The following COMMD4 variants were observed in gnomAD, a reference collection of about 807,000 sequenced individuals.
COMMD4 encodes the protein COMM domain containing 4.
Under a neutral mutation model 27.5 loss-of-function variants are expected in COMMD4, and 18 were observed. The ratio of observed to expected loss-of-function variants is 0.65; its 90% CI spans 0.45 to 0.97. The LOEUF is 0.97. Ranked by LOEUF, COMMD4 falls within the 50% of genes least tolerant of loss-of-function variation. COMMD4 has a pLI of 0.00. For synonymous variants in COMMD4, 108 were observed against 108.4 expected, an observed-to-expected ratio of 1.00 and a Z score of 0.02; for missense variants, 243 against 250.0, an observed-to-expected ratio of 0.97 and a Z score of 0.19.
chr15:75,339,685 C>A lies in COMMD4; in HGVS notation c.383-17C>A. On this transcript the variant is annotated splice_polypyrimidine_tract_variant and intron_variant, in intron 6 of 7. Coordinates refer to ENST00000267935, the MANE Select transcript of COMMD4 (RefSeq NM_017828.5). ...TTGCCTGCTTTGATCCTGAGAGCCA[C>A]CCACCCCATCTCACAGTGAATAGGT... 6.4e-7 allele frequency: 1 copy of A among 1,563,250 alleles called. No individual in the cohort carries two copies. Among genetic ancestry groups the A allele is most frequent in the Non-Finnish European group, 8.7e-7 (1 of 1,153,172 alleles).
rs927283140 is a variant in COMMD4 at position 75,336,469 on chromosome 15, C to T, written c.3+377C>T. 5.7e-6 allele frequency: 3 copies of T among 523,344 alleles called. No individual in the cohort carries two copies. The African/African-American group carries it at 5.9e-5, about 10-fold the overall frequency. The allele number at this position is 523,344 out of a possible 1,614,324, so 32.4% of individuals were successfully genotyped here. ...CCCCAGCCCTGCCGTGGGGCTTGTACAAGAAGGTGCTTAGAATCAGGCTCA... is the reference window on the plus strand; with the variant it reads ...CCCCAGCCCTGCCGTGGGGCTTGTATAAGAAGGTGCTTAGAATCAGGCTCA... On this transcript the variant is annotated intron_variant, in intron 1 of 7. Transcript: ENST00000267935.
Position 75,339,854 on chromosome 15 carries a change from G to A in COMMD4, c.535G>A (p.Asp179Asn), listed in dbSNP as rs1187085875. ...GCCTGTTGCCATGTCCCTCTCAGCAGACAAGTTCCAGGTCCTCCTGGCAGG... is the reference window on the plus strand; with the variant it reads ...GCCTGTTGCCATGTCCCTCTCAGCAAACAAGTTCCAGGTCCTCCTGGCAGG... ...AQPVAMSLSA[D>N]KFQVLLAELK... Residue 179 changes from aspartate (D) to asparagine (N), a missense_variant, in exon 7 of 8, where the codon GAC becomes AAC. Asp to Asn is a conservative substitution (Grantham distance 23). Coordinates refer to ENST00000267935, the MANE Select transcript of COMMD4 (RefSeq NM_017828.5). 6.2e-7 allele frequency: 1 copy of A among 1,613,592 alleles called. No homozygotes were observed. Among genetic ancestry groups the A allele is most frequent in the Admixed American group, 1.7e-5 (1 of 59,992 alleles).
At chr15:75,337,589 T>TC (rs2071252546) in intron 1 of COMMD4, 1 of 143,272 alleles carries the variant, frequency 7.0e-6, no homozygotes, top group African/African-American at 2.8e-5. Flanking sequence ...TGAAACTGTC[T>TC]CAAAAAAAAA....
In COMMD4 at chr15:75,338,145, A is replaced by G; in HGVS notation, c.75+12A>G. On this transcript the variant is annotated intron_variant, in intron 2 of 7. Coordinates refer to ENST00000267935, the MANE Select transcript of COMMD4 (RefSeq NM_017828.5). ...CGCTGGCCAAGATGGTTGAGTGCAC[A>G]GGGTCTAGTCTGGGTGGAGGAGGGG... 1 of 1,572,920 alleles carries G rather than the reference A, an allele frequency of 6.4e-7. No homozygotes were observed.
intron 6 of COMMD4, 118 bp from the exon 7 acceptor site, chr15:75,339,584 A>G (rs2071371449): frequency 6.5e-6 from 8 of 1,228,450 alleles, no homozygotes; most frequent in Non-Finnish European, 7.9e-6. Context: ...GGTCAGCAGG[A>G]TGGGAGCTTC....
chr15:75,337,281 G>C (rs2071236867), intron 1 of COMMD4: 1 of 151,790 alleles, frequency 6.6e-6, no homozygotes, highest in South Asian at 2.1e-4. Context: ...GGGCTGGTCT[G>C]ATGTGTCACT....
intron 6 of COMMD4, 29 bp from the exon 7 acceptor site, chr15:75,339,673 T>C (rs752231730): frequency 5.1e-5 from 80 of 1,553,868 alleles, no homozygotes; most frequent in Non-Finnish European, 6.6e-5. Context: ...CCTGCTTTGA[T>C]CCTGAGAGCC....
chr15:75,339,979 C>G lies in COMMD4; in HGVS notation c.574C>G (p.Gln192Glu). 3 of 1,614,180 alleles carry G rather than the reference C, an allele frequency of 1.9e-6. No homozygotes were observed. In the South Asian group the frequency reaches 3.3e-5, roughly 18 times the overall value. The change falls in exon 8 of 8, where the codon CAG becomes GAG. Residue 192 changes from glutamine to glutamate, a missense_variant. Gln to Glu is a conservative substitution (Grantham distance 29). Transcript: ENST00000267935. ...TCCCTCTGCAGAACTGAAGCAGGCC[C>G]AGACCCTGATGAGCTCCCTGGGCTG... ...QVLLAELKQA[Q>E]TLMSSLG is the part of the protein sequence containing the mutation.
At chr15:75,342,251 G>GA (rs2071434368), downstream of COMMD4, 4 of 151,564 alleles carry the variant, frequency 2.6e-5, no homozygotes, top group Non-Finnish European at 5.9e-5. Flanking sequence ...GCCTGGAGTT[G>GA]AAAAAAGGGC....
intron 4 of COMMD4, 48 bp downstream of exon 4, chr15:75,338,733 G>A (rs2071321897): frequency 6.3e-7 from 1 of 1,596,770 alleles, no homozygotes; most frequent in Non-Finnish European, 8.6e-7. Flanking sequence ...CTGGGAACTT[G>A]GCCTGGTGCC....
chr15:75,336,074 C>T lies in COMMD4; in HGVS notation c.-16C>T, dbSNP rs1297038685. 3.9e-6 allele frequency: 6 copies of T among 1,549,634 alleles called. No homozygotes were observed. In the East Asian group the frequency reaches 1.2e-4, roughly 32 times the overall value. ...GACCGGAAAAAGAAATTCCCGGGCCCTGGCTTCTTGGCGCGATGGTGAGGC... is the reference window on the plus strand; with the variant it reads ...GACCGGAAAAAGAAATTCCCGGGCCTTGGCTTCTTGGCGCGATGGTGAGGC... On this transcript the variant is annotated 5_prime_UTR_variant, in exon 1 of 8. Transcript: ENST00000267935.
Position 75,339,307 on chromosome 15 carries a change from C to G in COMMD4, c.345C>G (p.Ser115Arg). ...SLCRCYEEKQSPLQKHLRVCS... is the reference protein window; with the variant it reads ...SLCRCYEEKQRPLQKHLRVCS... ...GCCGCTGTTATGAGGAGAAGCAAAG[C>G]CCCTTGCAGAAGCACTTGCGGGTCT... is the stretch of plus-strand genomic sequence containing the variant. The change falls in exon 6 of 8, where the codon AGC (serine) becomes AGG (arginine). Residue 115 changes from serine (S) to arginine (R), a missense_variant. Physicochemically the swap from Ser to Arg is moderately radical, Grantham distance 110 (BLOSUM62 -1). Coordinates refer to ENST00000267935, the MANE Select transcript of COMMD4 (RefSeq NM_017828.5). 1 of 1,612,136 alleles carries G rather than the reference C, an allele frequency of 6.2e-7. No individual in the cohort carries two copies. The highest frequency in any genetic ancestry group is 8.5e-7 in the Non-Finnish European group (1 of 1,179,966).
Position 75,338,153 on chromosome 15 carries a change from G to C in COMMD4, c.75+20G>C, listed in dbSNP as rs1449383113. The C allele has an allele frequency of 2.5e-5, 40 of 1,587,492 alleles. No homozygotes were observed. Among genetic ancestry groups the C allele is most frequent in the East Asian group, 4.6e-5 (2 of 43,536 alleles). On this transcript the variant is annotated intron_variant, in intron 2 of 7. Transcript: ENST00000267935. ...AAGATGGTTGAGTGCACAGGGTCTA[G>C]TCTGGGTGGAGGAGGGGTGTTGGGG...
At chr15:75,339,899 G>T (rs200449297) in intron 7 of COMMD4, 21 bp downstream of exon 7, 109 of 1,613,512 alleles carry the variant, frequency 6.8e-5, no homozygotes, top group Non-Finnish European at 1.3e-5. Context: ...GCTATTCCTC[G>T]ACGGGTGAGA....
At position 75,339,548 on chromosome 15, in the gene COMMD4, C is replaced by T. The variant is rs111614145; in HGVS notation, c.383-154C>T. The T allele has an allele frequency of 6.0e-4, 672 of 1,127,976 alleles. 1 individual carries two copies. In the African/African-American group the frequency reaches 9.7e-3, roughly 16 times the overall value. The allele number at this position is 1,127,976 out of a possible 1,614,324, so 69.9% of individuals were successfully genotyped here. ...GCTGTGGGTGATCAGAACTGATTAT[C>T]GGGCACCTGCCCTGTTCTGAGCCTG... On this transcript the variant is annotated intron_variant, in intron 6 of 7. Coordinates refer to ENST00000267935, the MANE Select transcript of COMMD4 (RefSeq NM_017828.5).
rs2071297212 is a variant in COMMD4, at chr15:75,338,351, C to T, written c.76-4C>T. The stretch of plus-strand genomic sequence containing the variant: ...CCTGGCTGATGTAAGGACTTCCCTT[C>T]CAGTCCTCTGTGAAGTTGCGGCTGC... On this transcript the variant is annotated splice_region_variant and splice_polypyrimidine_tract_variant and intron_variant, in intron 2 of 7. Transcript: ENST00000267935. 1 of 1,596,194 alleles carries T rather than the reference C, an allele frequency of 6.3e-7. No homozygotes were observed. The highest frequency in any genetic ancestry group is 8.5e-7 in the Non-Finnish European group (1 of 1,170,164).
chr15:75,338,306 G>A lies in COMMD4; in HGVS notation c.76-49G>A, dbSNP rs1341886892. 4.0e-6 allele frequency: 6 copies of A among 1,498,054 alleles called. No individual in the cohort carries two copies. In the African/African-American group the frequency reaches 6.9e-5, roughly 17 times the overall value. The allele number at this position is 1,498,054 out of a possible 1,614,324, so 92.8% of individuals were successfully genotyped here. ...CCTGCTCTGAGCCAGTCCCCAGGAA[G>A]GAGGGGTGAGGTTTGCCAGCCTGGC... On this transcript the variant is annotated intron_variant, in intron 2 of 7. Transcript: ENST00000267935.
rs2071315262 is a variant in COMMD4, at chr15:75,338,641, C to T, written c.142-5C>T. ...GCACCCCCTGAAGGTCTCCTTTCCC[C>T]ATAGTATGAGAAGATCCTGAAGCTC... On this transcript the variant is annotated splice_polypyrimidine_tract_variant and splice_region_variant and intron_variant, in intron 3 of 7. Transcript: ENST00000267935. 2 of 1,613,910 alleles carry T rather than the reference C, an allele frequency of 1.2e-6. No individual in the cohort carries two copies. The highest frequency in any genetic ancestry group is 8.5e-7 in the Non-Finnish European group (1 of 1,179,926).
In COMMD4 at chr15:75,339,364, G is replaced by A; in HGVS notation, c.382+20G>A. 6.2e-7 allele frequency: 1 copy of A among 1,608,506 alleles called. No homozygotes were observed. Among genetic ancestry groups the A allele is most frequent in the Non-Finnish European group, 8.5e-7 (1 of 1,178,298 alleles). ...TACGCAGTAAGTATGAGGCCAGCCA[G>A]GGTCCGGGCTCATTCTAGAAGGTGC... On this transcript the variant is annotated intron_variant, in intron 6 of 7. Transcript: ENST00000267935.
Sources: gnomAD v4.1 joint callset for allele counts on GRCh38, gnomAD v4.1.1 for gene constraint, MANE v1.5 for transcripts, NCBI Gene and HGNC (gene_info 2026-07-23, HGNC 2026-07-21) for gene names.